OR2M2: variants seen among roughly 807,000 people sequenced by gnomAD.
OR2M2 encodes the protein olfactory receptor family 2 subfamily M member 2, also known as olfactory receptor 2M2.
For missense variants in OR2M2, 467 were observed against 429.9 expected, an observed-to-expected ratio of 1.09 and a Z score of -0.76; for synonymous variants, 168 against 151.7, an observed-to-expected ratio of 1.11 and a Z score of -0.79.
intron 1 of OR2M2, among the ~76,000 whole-genome samples, chr1:248,179,082 A>G (rs186490573): frequency 6.6e-6 from 1 of 152,230 alleles, no homozygotes; most frequent in African/African-American, 2.4e-5. Context: ...AAGAGGACGA[A>G]TCTGTCCCAT....
chr1:248,179,808 G>T (rs1183117692), intron 1 of OR2M2, among the ~76,000 whole-genome samples, 160 bp from the exon 2 acceptor site: 3 of 152,146 alleles, frequency 2.0e-5, no homozygotes, highest in South Asian at 2.1e-4. Context: ...TGTATTGAAA[G>T]AACATATTTC....
chr1:248,177,560 T>C (rs1385031109), intron 1 of OR2M2, among the ~76,000 whole-genome samples: 1 of 152,152 alleles, frequency 6.6e-6, no homozygotes, highest in East Asian at 1.9e-4. Context: ...TATGGTACGA[T>C]GGTCAAAATA....
In OR2M2 at chr1:248,180,289, T is replaced by C. The variant is rs1281117123; in HGVS notation, c.304T>C (p.Phe102Leu). 1 of 1,613,312 alleles carries C rather than the reference T, an allele frequency of 6.2e-7. No individual in the cohort carries two copies. The highest frequency in any genetic ancestry group is 1.7e-5 in the Admixed American group (1 of 60,000). The part of the protein sequence containing the change: ...ISMAGCVTQI[F>L]FYISLSGSEC... Reference sequence around the variant, plus strand: ...TATGGCTGGTTGTGTCACACAAATTTTCTTCTATATATCACTGTCTGGCTC... The same window carrying C: ...TATGGCTGGTTGTGTCACACAAATTCTCTTCTATATATCACTGTCTGGCTC... Residue 102 changes from phenylalanine to leucine, a missense_variant, in exon 2 of 2, where the codon TTC (phenylalanine) becomes CTC (leucine). Physicochemically the swap from Phe to Leu is conservative, Grantham distance 22. Transcript: ENST00000641836.
chr1:248,178,102 T>C (rs1256547952), intron 1 of OR2M2: 2 of 152,188 alleles, frequency 1.3e-5, no homozygotes, highest in South Asian at 4.1e-4. Flanking sequence ...TTTATATAAA[T>C]AAATAAAACT....
chr1:248,175,035 C>T (rs1341100790), intron 1 of OR2M2, among the ~76,000 whole-genome samples, 164 bp downstream of exon 1: 2 of 152,030 alleles, frequency 1.3e-5, no homozygotes, highest in Non-Finnish European at 2.9e-5. Context: ...AATGTGGTAT[C>T]GCTTTAGGCA....
intron 1 of OR2M2, among the ~76,000 whole-genome samples, chr1:248,176,952 C>A (rs1289994996): frequency 6.6e-6 from 1 of 152,042 alleles, no homozygotes; most frequent in African/African-American, 2.4e-5. Context: ...AATGTTCATA[C>A]AGATCTTAAC....
chr1:248,176,079 A>C (rs1036557663), intron 1 of OR2M2, among the ~76,000 whole-genome samples: 10 of 152,128 alleles, frequency 6.6e-5, no homozygotes, highest in Non-Finnish European at 1.3e-4. Context: ...CATTTCTGTT[A>C]CAAAAGGGTA....
At chr1:248,179,825 A>T in intron 1 of OR2M2, 143 bp from the exon 2 acceptor site, 1 of 707,522 alleles carries the variant, frequency 1.4e-6, no homozygotes, top group South Asian at 2.1e-5. Flanking sequence ...TTTCGTTCAG[A>T]TTCTATACTT....
intron 1 of OR2M2, among the ~76,000 whole-genome samples, chr1:248,176,516 T>C (rs1665858171): frequency 1.3e-5 from 2 of 152,082 alleles, no homozygotes; most frequent in African/African-American, 4.8e-5. Flanking sequence ...ATTCAAAATG[T>C]TGTACGTCAT....
In OR2M2 at chr1:248,180,057, C is replaced by G. The variant is rs774882674; in HGVS notation, c.72C>G (p.His24Gln). The change falls in exon 2 of 2, where the codon CAC becomes CAG. Residue 24 changes from histidine (H) to glutamine (Q), a missense_variant. Coordinates refer to ENST00000641836, the MANE Select transcript of OR2M2 (RefSeq NM_001004688.2). ...GAATCTTCAATCACAGCCCACCACA[C>G]ACGTTCCTCTTCTTTCTGGTCCTGG... is the stretch of plus-strand genomic sequence containing the variant. Reference protein sequence around the residue: ...LLGIFNHSPPHTFLFFLVLGI... With the variant: ...LLGIFNHSPPQTFLFFLVLGI... 3.7e-6 allele frequency: 6 copies of G among 1,613,904 alleles called. No homozygotes were observed. The highest frequency in any genetic ancestry group is 4.2e-6 in the Non-Finnish European group (5 of 1,179,948).
chr1:248,180,169 C>T lies in OR2M2; in HGVS notation c.184C>T (p.Leu62Phe), dbSNP rs1416740090. The T allele has an allele frequency of 8.7e-6, 14 of 1,614,008 alleles. No homozygotes were observed. Among genetic ancestry groups the T allele is most frequent in the Non-Finnish European group, 1.2e-5 (14 of 1,180,024 alleles). Residue 62 changes from leucine (L) to phenylalanine (F), a missense_variant, in exon 2 of 2, where the codon CTC becomes TTC. Physicochemically the swap from Leu to Phe is conservative, Grantham distance 22. Transcript: ENST00000641836. ...CCAGCTCCACACCCCCATGTACTTC[C>T]TCCTCAGCCAACTGTCCCTCATGGA... Reference protein sequence around the residue: ...DTQLHTPMYFLLSQLSLMDLM... With the variant: ...DTQLHTPMYFFLSQLSLMDLM...
rs1040571515 is a variant in OR2M2 at position 248,180,786 on chromosome 1, C to T, written c.801C>T (p.Ser267=). 6.2e-7 allele frequency: 1 copy of T among 1,613,852 alleles called. No homozygotes were observed. Among genetic ancestry groups the T allele is most frequent in the Non-Finnish European group, 8.5e-7 (1 of 1,179,854 alleles). The change falls in exon 2 of 2, where the codon TCC becomes TCT. Residue 267 remains serine (S), a synonymous_variant. Transcript: ENST00000641836. ...FMYIRPTSDH[S]PTQDKMVSVF... The stretch of plus-strand genomic sequence containing the variant: ...ACATACGGCCCACATCTGATCACTC[C>T]CCAACGCAGGACAAGATGGTGTCTG...
rs773244655 is a variant in OR2M2 at position 248,180,139 on chromosome 1, G to C, written c.154G>C (p.Asp52His). 9.3e-6 allele frequency: 15 copies of C among 1,613,652 alleles called. No homozygotes were observed. The highest frequency in any genetic ancestry group is 1.3e-5 in the Non-Finnish European group (15 of 1,179,928). ...TGTCATGGTTCTCCTCATCTACCTG[G>C]ACACCCAGCTCCACACCCCCATGTA... ...NSVMVLLIYL[D>H]TQLHTPMYFL... Residue 52 changes from aspartate (D) to histidine (H), a missense_variant, in exon 2 of 2, where the codon GAC (aspartate) becomes CAC (histidine). By Grantham distance (81) the Asp-to-His change is moderately conservative. Transcript: ENST00000641836.
At position 248,180,907 on chromosome 1, in the gene OR2M2, G is replaced by C. The variant is rs1354285323; in HGVS notation, c.922G>C (p.Gly308Arg). The part of the protein sequence containing the change: ...TRAFMKILGK[G>R]KSESELPHKL... The stretch of plus-strand genomic sequence containing the variant: ...AGCATTCATGAAGATCTTAGGAAAG[G>C]GCAAGTCTGAGAGTGAGTTACCTCA... The change falls in exon 2 of 2, where the codon GGC becomes CGC. Residue 308 changes from glycine (G) to arginine (R), a missense_variant. Coordinates refer to ENST00000641836, the MANE Select transcript of OR2M2 (RefSeq NM_001004688.2). 1 of 1,613,924 alleles carries C rather than the reference G, an allele frequency of 6.2e-7. No individual in the cohort carries two copies. The highest frequency in any genetic ancestry group is 1.3e-5 in the African/African-American group (1 of 74,880).
At chr1:248,175,733 A>C (rs1340398342) in intron 1 of OR2M2, among the ~76,000 whole-genome samples, 10 of 152,172 alleles carry the variant, frequency 6.6e-5, no homozygotes, top group African/African-American at 9.7e-5. Context: ...ATGTTTTAAA[A>C]TATTTACCAG....
intron 1 of OR2M2, among the ~76,000 whole-genome samples, chr1:248,176,571 T>A (rs1028179860): frequency 6.6e-6 from 1 of 151,986 alleles, no homozygotes; most frequent in Non-Finnish European, 1.5e-5. Flanking sequence ...TGAAAAAAAA[T>A]AAAAAACAAG....
rs1665925709 is a variant in OR2M2, at chr1:248,180,851, T to G, written c.866T>G (p.Ile289Ser). 6.2e-7 allele frequency: 1 copy of G among 1,613,978 alleles called. No homozygotes were observed. Among genetic ancestry groups the G allele is most frequent in the South Asian group, 1.1e-5 (1 of 91,082 alleles). The change falls in exon 2 of 2, where the codon ATC becomes AGC. Residue 289 changes from isoleucine (I) to serine (S), a missense_variant. By Grantham distance (142) the Ile-to-Ser change is moderately radical. Coordinates refer to ENST00000641836, the MANE Select transcript of OR2M2 (RefSeq NM_001004688.2). Reference sequence around the variant, plus strand: ...CTCACTCCCATGCTGAATCCCCTCATCTACAGCCTCCGCAACAAGGAGGTG... The same window carrying G: ...CTCACTCCCATGCTGAATCCCCTCAGCTACAGCCTCCGCAACAAGGAGGTG... ...TILTPMLNPL[I>S]YSLRNKEVTR... is the part of the protein sequence containing the mutation.
chr1:248,180,757 A>G lies in OR2M2; in HGVS notation c.772A>G (p.Met258Val), dbSNP rs1665923527. The G allele has an allele frequency of 1.9e-6, 3 of 1,613,686 alleles. No homozygotes were observed. The African/African-American group carries it at 4.0e-5, about 22-fold the overall frequency. ...VGMYYGAALF[M>V]YIRPTSDHSP... Reference sequence around the variant, plus strand: ...AATGTACTATGGAGCAGCTTTGTTCATGTACATACGGCCCACATCTGATCA... The same window carrying G: ...AATGTACTATGGAGCAGCTTTGTTCGTGTACATACGGCCCACATCTGATCA... Residue 258 changes from methionine to valine, a missense_variant, in exon 2 of 2, where the codon ATG becomes GTG. Coordinates refer to ENST00000641836, the MANE Select transcript of OR2M2 (RefSeq NM_001004688.2).
intron 1 of OR2M2, among the ~76,000 whole-genome samples, chr1:248,178,212 C>G (rs1665876916): frequency 6.6e-6 from 1 of 152,116 alleles, no homozygotes; most frequent in Non-Finnish European, 1.5e-5. Context: ...TCTTCTAACT[C>G]TCTTGTTGCT....
Sources: gnomAD v4.1 joint callset for allele counts (sites outside exome capture counted in the v4.1 genomes callset) on GRCh38, gnomAD v4.1.1 for gene constraint, MANE v1.5 for transcripts, NCBI Gene and HGNC (gene_info 2026-07-23, HGNC 2026-07-21) for gene names.